Variants in ANO4 observed in about 807,000 individuals in gnomAD.
The protein encoded by ANO4 is anoctamin-4.
A neutral mutation model predicts 141.9 loss-of-function variants in ANO4; 69 were observed. The observed-to-expected ratio is 0.49, with a 90% confidence interval of 0.40 to 0.59. The LOEUF (loss-of-function observed/expected upper bound fraction) is 0.59, where lower values mean the gene tolerates loss of function less well. Ranked by LOEUF, ANO4 falls within the 20% of genes least tolerant of loss-of-function variation. ANO4 has a pLI of 0.00. For synonymous variants in ANO4, 350 were observed against 394.3 expected (o/e 0.89, Z 1.33); for missense variants, 894 against 1,162.2 (o/e 0.77, Z 3.36).
At chr12:100,997,697 G>A (rs1382932789) in intron 8 of ANO4, among the ~76,000 whole-genome samples, 1 of 152,016 alleles carries the variant, frequency 6.6e-6, no homozygotes, top group Non-Finnish European at 1.5e-5. Context: ...CCAAGCGGAA[G>A]GGAGAAACGT....
intron 9 of ANO4, among the ~76,000 whole-genome samples, chr12:101,035,986 C>T (rs528834123): frequency 1.3e-5 from 2 of 150,318 alleles, no homozygotes; most frequent in Admixed American, 1.3e-4. Context: ...CACGTGTACT[C>T]CCTGAACCTA....
intron 9 of ANO4, among the ~76,000 whole-genome samples, chr12:101,032,525 CAG>C (rs1438421047): frequency 6.6e-6 from 1 of 152,214 alleles, no homozygotes; most frequent in Non-Finnish European, 1.5e-5. Flanking sequence ...TCAGAGTGAA[CAG>C]GCAACCCACA....
intron 7 of ANO4, among the ~76,000 whole-genome samples, chr12:100,978,997 T>C (rs2044331216): frequency 6.6e-6 from 1 of 152,032 alleles, no homozygotes; most frequent in Non-Finnish European, 1.5e-5. Context: ...GAGGGGAGTG[T>C]ATGGAATATC....
chr12:100,877,877 C>G (rs983496563), intron 1 of ANO4, among the ~76,000 whole-genome samples: 2 of 152,130 alleles, frequency 1.3e-5, no homozygotes, highest in African/African-American at 4.8e-5. Flanking sequence ...TAAATCTTCT[C>G]TGACCCTCGA....
chr12:100,837,842 C>A (rs2037020023), intron 1 of ANO4, among the ~76,000 whole-genome samples: 1 of 151,344 alleles, frequency 6.6e-6, no homozygotes, highest in Non-Finnish European at 1.5e-5. Flanking sequence ...GATTATTTTT[C>A]TTTAGATTTT....
intron 14 of ANO4, among the ~76,000 whole-genome samples, chr12:101,064,664 A>ATAG (rs1169097037): frequency 4.1e-5 from 1 of 24,322 alleles, no homozygotes; most frequent in African/African-American, 2.3e-4. Flanking sequence ...TTAAAGTATT[A>ATAG]TAATAATAAT....
chr12:100,919,726 GTGTA>G (rs201155811), intron 2 of ANO4, among the ~76,000 whole-genome samples: 2,195 of 132,054 alleles, frequency 0.017, 30 homozygotes, highest in East Asian at 0.065. Context: ...GTATGTATGT[GTGTA>G]TGTATGTATC....
chr12:100,721,099 C>G (rs1222372962), intron 1 of ANO4, among the ~76,000 whole-genome samples: 2 of 152,202 alleles, frequency 1.3e-5, no homozygotes, highest in Non-Finnish European at 2.9e-5. Context: ...ATGTGCTATG[C>G]TTGTATAGTT....
At chr12:101,090,769 A>T (rs963505445) in intron 17 of ANO4, among the ~76,000 whole-genome samples, 7 of 152,164 alleles carry the variant, frequency 4.6e-5, no homozygotes, top group Non-Finnish European at 8.8e-5. Flanking sequence ...AGAAATGCCT[A>T]TGTACAGGAA....
intron 3 of ANO4, chr12:100,740,235 T>C: frequency 3.2e-6 from 2 of 617,784 alleles, no homozygotes; most frequent in South Asian, 1.9e-5. Context: ...AATACCTCTA[T>C]GTTCATACTG....
chr12:100,985,555 C>G (rs1216215020), intron 7 of ANO4, among the ~76,000 whole-genome samples: 1 of 152,176 alleles, frequency 6.6e-6, no homozygotes, highest in East Asian at 1.9e-4. Flanking sequence ...TGAATCTAGG[C>G]ATTCCAGCCC....
chr12:101,112,441 A>G (rs982898776), intron 24 of ANO4, among the ~76,000 whole-genome samples: 3 of 152,200 alleles, frequency 2.0e-5, no homozygotes, highest in Non-Finnish European at 4.4e-5. Context: ...AAGTCTTAAC[A>G]TGCTTTAAAA....
At chr12:100,781,399 A>G (rs546250119) in intron 3 of ANO4, among the ~76,000 whole-genome samples, 2 of 152,222 alleles carry the variant, frequency 1.3e-5, no homozygotes, top group East Asian at 1.9e-4. Flanking sequence ...TCTTACAACT[A>G]CAAGCAATGC....
chr12:100,790,805 T>A (rs2085779013), upstream of ANO4, among the ~76,000 whole-genome samples: 1 of 152,234 alleles, frequency 6.6e-6, no homozygotes, highest in Non-Finnish European at 1.5e-5. Flanking sequence ...GTGCTGCAGA[T>A]ACCTACTATT....
chr12:100,796,195 T>C (rs1428680900), intron 1 of ANO4, among the ~76,000 whole-genome samples: 1 of 152,172 alleles, frequency 6.6e-6, no homozygotes, highest in Non-Finnish European at 1.5e-5. Context: ...TTCTGGTCCA[T>C]TTCACTCTAG....
intron 14 of ANO4, among the ~76,000 whole-genome samples, chr12:101,050,906 A>G (rs2047838832): frequency 6.6e-6 from 1 of 152,184 alleles, no homozygotes; most frequent in Non-Finnish European, 1.5e-5. Flanking sequence ...TTACTGTGCA[A>G]TGAGTTAATG....
chr12:100,752,829 T>C (rs80001839), intron 3 of ANO4, among the ~76,000 whole-genome samples: 8,078 of 152,220 alleles, frequency 0.053, 642 homozygotes, highest in African/African-American at 0.17. Context: ...TTAACCATTA[T>C]TATGATAATA....
At chr12:100,919,211 AAG>A (rs1007534426) in intron 2 of ANO4, among the ~76,000 whole-genome samples, 2 of 152,278 alleles carry the variant, frequency 1.3e-5, no homozygotes, top group Non-Finnish European at 2.9e-5. Flanking sequence ...TTATTGAAGA[AAG>A]AAACATTTTT....
intron 8 of ANO4, among the ~76,000 whole-genome samples, chr12:100,991,286 G>T (rs992223933): frequency 2.0e-5 from 3 of 152,130 alleles, no homozygotes; most frequent in Non-Finnish European, 4.4e-5. Context: ...CCCTAAGGAT[G>T]TTTTGAGAGT....
Sources: gnomAD v4.1 joint callset for allele counts (sites outside exome capture counted in the v4.1 genomes callset) on GRCh38, gnomAD v4.1.1 for gene constraint, MANE v1.5 for transcripts, NCBI Gene and HGNC (gene_info 2026-07-23, HGNC 2026-07-21) for gene names.